FARSB: variants seen among roughly 807,000 people sequenced by gnomAD.
The protein encoded by FARSB is phenylalanine--tRNA ligase beta subunit.
FARSB carries 40 observed loss-of-function variants against 69.6 expected under a neutral mutation model. That is an observed-to-expected ratio of 0.57 (90% CI 0.45 to 0.75). The LOEUF (loss-of-function observed/expected upper bound fraction) is 0.75, where lower values mean the gene tolerates loss of function less well. Ranked by LOEUF, FARSB falls within the 30% of genes least tolerant of loss-of-function variation. The pLI is 0.00. For missense variants in FARSB, 632 were observed against 722.9 expected, an observed-to-expected ratio of 0.87 and a Z score of 1.44; for synonymous variants, 235 against 247.2, an observed-to-expected ratio of 0.95 and a Z score of 0.46.
At chr2:222,637,248 C>CTTT (rs1691605376) in intron 5 of FARSB, among the ~76,000 whole-genome samples, 2 of 152,064 alleles carry the variant, frequency 1.3e-5, no homozygotes, top group African/African-American at 4.8e-5. Context: ...ATCCCTGAGA[C>CTTT]ACAGGAAACA....
intron 16 of FARSB, among the ~76,000 whole-genome samples, chr2:222,599,391 C>A (rs1690503054): frequency 6.6e-6 from 1 of 152,220 alleles, no homozygotes; most frequent in Non-Finnish European, 1.5e-5. Context: ...AGCTTAAACT[C>A]TCCAACAAAG....
intron 3 of FARSB, among the ~76,000 whole-genome samples, 193 bp downstream of exon 3, chr2:222,642,658 A>C (rs1445916264): frequency 6.6e-6 from 1 of 152,236 alleles, no homozygotes; most frequent in Non-Finnish European, 1.5e-5. Context: ...GGCTATGACT[A>C]AAATTTTCAT....
chr2:222,646,145 CG>C (rs1245067762), intron 2 of FARSB, among the ~76,000 whole-genome samples: 1 of 152,020 alleles, frequency 6.6e-6, no homozygotes, highest in Non-Finnish European at 1.5e-5. Flanking sequence ...ATAATTATTC[CG>C]ACTAGATTAC....
chr2:222,652,149 A>G (rs907792594), intron 1 of FARSB, among the ~76,000 whole-genome samples: 5 of 152,196 alleles, frequency 3.3e-5, no homozygotes, highest in Non-Finnish European at 5.9e-5. Context: ...ACAGTGTACT[A>G]AAGAAGCTAT....
chr2:222,636,610 T>C (rs549192874), intron 5 of FARSB, among the ~76,000 whole-genome samples: 2 of 152,206 alleles, frequency 1.3e-5, no homozygotes, highest in South Asian at 2.1e-4. Context: ...TAGTAAGATA[T>C]GAAAAAACTA....
At chr2:222,592,870 C>T (rs890021832) in intron 16 of FARSB, among the ~76,000 whole-genome samples, 2 of 151,876 alleles carry the variant, frequency 1.3e-5, no homozygotes, top group Non-Finnish European at 2.9e-5. Flanking sequence ...TAAGTTTTAA[C>T]TTGTGCACTC....
At chr2:222,599,049 C>T (rs1690496217) in intron 16 of FARSB, among the ~76,000 whole-genome samples, 1 of 150,612 alleles carries the variant, frequency 6.6e-6, no homozygotes, top group South Asian at 2.1e-4. Flanking sequence ...AATTAAACAA[C>T]CACCAACAAA....
chr2:222,575,939 C>T (rs986668098), intron 16 of FARSB, among the ~76,000 whole-genome samples: 2 of 151,648 alleles, frequency 1.3e-5, no homozygotes, highest in African/African-American at 4.8e-5. Flanking sequence ...CTCTCTTGCT[C>T]ATTGCTAAAC....
At chr2:222,598,976 T>TA (rs896980464) in intron 16 of FARSB, among the ~76,000 whole-genome samples, 5 of 150,296 alleles carry the variant, frequency 3.3e-5, no homozygotes, top group Admixed American at 3.3e-4. Context: ...ATCTTCAATC[T>TA]AAAAAAACCC....
intron 5 of FARSB, among the ~76,000 whole-genome samples, chr2:222,637,953 G>A (rs1691627657): frequency 6.6e-6 from 1 of 152,000 alleles, no homozygotes; most frequent in Non-Finnish European, 1.5e-5. Context: ...CTGGACTCCA[G>A]CCTGGACAAC....
At chr2:222,612,058 CA>C (rs1204656290) in intron 15 of FARSB, among the ~76,000 whole-genome samples, 1 of 152,018 alleles carries the variant, frequency 6.6e-6, no homozygotes, top group Non-Finnish European at 1.5e-5. Flanking sequence ...ATACAAAACC[CA>C]AAGAAATAAG....
chr2:222,591,350 C>T lies in FARSB; in HGVS notation c.1618+8578G>A, dbSNP rs551541214. Among the ~76,000 whole-genome samples, 18 of 152,042 alleles carry T rather than the reference C, an allele frequency of 1.2e-4. No homozygotes were observed. In the East Asian group the frequency reaches 3.5e-3, roughly 29 times the overall value. ...TTCCAGTATCCAGAAATGTCAAAAA[C>T]CTTCAAGCACCTAGAGTTCCTGTGC... On this transcript the variant is annotated intron_variant, in intron 16 of 16. Coordinates refer to ENST00000281828, the MANE Select transcript of FARSB (RefSeq NM_005687.5).
intron 16 of FARSB, among the ~76,000 whole-genome samples, chr2:222,577,324 T>C (rs144503787): frequency 0.011 from 1,671 of 152,318 alleles, 31 homozygotes; most frequent in African/African-American, 0.038. Flanking sequence ...ACCTAAAGTC[T>C]GTAAAGAGAG....
intron 1 of FARSB, among the ~76,000 whole-genome samples, chr2:222,649,869 A>T (rs1429037659): frequency 6.6e-6 from 1 of 152,224 alleles, no homozygotes; most frequent in Non-Finnish European, 1.5e-5. Flanking sequence ...TTCTAGCGAA[A>T]ACTGGTCTTA....
intron 16 of FARSB, among the ~76,000 whole-genome samples, chr2:222,598,607 G>GT (rs1559196474): frequency 6.6e-6 from 1 of 152,190 alleles, no homozygotes; most frequent in African/African-American, 2.4e-5. Context: ...CAGCTTACAG[G>GT]TTGCCATAAG....
chr2:222,586,909 G>C (rs961432544), intron 16 of FARSB, among the ~76,000 whole-genome samples: 1 of 152,136 alleles, frequency 6.6e-6, no homozygotes, highest in Non-Finnish European at 1.5e-5. Flanking sequence ...ATAATAATGG[G>C]AGGCTTTAAC....
intron 16 of FARSB, among the ~76,000 whole-genome samples, chr2:222,583,713 T>C (rs1690030951): frequency 6.6e-6 from 1 of 152,116 alleles, no homozygotes; most frequent in Non-Finnish European, 1.5e-5. Flanking sequence ...GTAGTTCCCA[T>C]AATCCCCATG....
At chr2:222,577,858 T>C (rs1403659728) in intron 16 of FARSB, among the ~76,000 whole-genome samples, 1 of 152,228 alleles carries the variant, frequency 6.6e-6, no homozygotes, top group South Asian at 2.1e-4. Context: ...AATGATTAAA[T>C]AGAAAATGCT....
At chr2:222,630,242 T>C in intron 8 of FARSB, 68 bp from the exon 9 acceptor site, 1 of 762,562 alleles carries the variant, frequency 1.3e-6, no homozygotes, top group Non-Finnish European at 2.1e-6. Flanking sequence ...TGGAAATGAA[T>C]TAATATTTAA....
Sources: gnomAD v4.1 joint callset for allele counts (sites outside exome capture counted in the v4.1 genomes callset) on GRCh38, gnomAD v4.1.1 for gene constraint, MANE v1.5 for transcripts, NCBI Gene and HGNC (gene_info 2026-07-23, HGNC 2026-07-21) for gene names.